EPHB1: variants seen among roughly 807,000 people sequenced by gnomAD.
EPHB1 encodes ephrin type-B receptor 1.
EPHB1 carries 30 observed loss-of-function variants against 94.4 expected under a neutral mutation model. That is an observed-to-expected ratio of 0.32 (90% CI 0.24 to 0.43). The LOEUF (loss-of-function observed/expected upper bound fraction) is 0.43, where lower values mean the gene tolerates loss of function less well. EPHB1 is among the 20% of genes least tolerant of loss of function. EPHB1 has a pLI of 1.00. For synonymous variants in EPHB1, 522 were observed against 489.1 expected (o/e 1.07, Z -0.89); for missense variants, 1,055 against 1,308.3 (o/e 0.81, Z 2.99).
intron 1 of EPHB1, among the ~76,000 whole-genome samples, chr3:134,825,114 A>G (rs555845904): frequency 2.6e-5 from 4 of 152,350 alleles, no homozygotes; most frequent in Non-Finnish European, 5.9e-5. Flanking sequence ...GCTATGTAAG[A>G]TAAAACCCAG....
chr3:135,027,200 C>G (rs914706444), intron 3 of EPHB1, among the ~76,000 whole-genome samples: 2 of 151,814 alleles, frequency 1.3e-5, no homozygotes, highest in African/African-American at 4.8e-5. Context: ...ATTGAATACC[C>G]TTTATTTCCT....
chr3:135,123,479 A>G (rs1244823991), intron 4 of EPHB1, among the ~76,000 whole-genome samples: 1 of 152,120 alleles, frequency 6.6e-6, no homozygotes, highest in Non-Finnish European at 1.5e-5. Context: ...AGGACCCAAA[A>G]TTGGTCATTT....
intron 1 of EPHB1, among the ~76,000 whole-genome samples, chr3:134,898,862 G>A (rs2038141333): frequency 6.6e-6 from 1 of 152,130 alleles, no homozygotes; most frequent in African/African-American, 2.4e-5. Flanking sequence ...AGTTTGTGCA[G>A]TGCTGGGTGT....
chr3:134,825,787 G>C (rs2036465755), intron 1 of EPHB1, among the ~76,000 whole-genome samples: 1 of 152,100 alleles, frequency 6.6e-6, no homozygotes. Context: ...TTGGCTCATG[G>C]CATCCTTTCA....
chr3:134,965,048 A>G (rs967118931), intron 3 of EPHB1, among the ~76,000 whole-genome samples: 1 of 152,228 alleles, frequency 6.6e-6, no homozygotes, highest in African/African-American at 2.4e-5. Flanking sequence ...ATTTTGATAA[A>G]AGATCATTAA....
chr3:134,882,086 T>A (rs1015806270), intron 1 of EPHB1, among the ~76,000 whole-genome samples: 4 of 151,904 alleles, frequency 2.6e-5, no homozygotes, highest in Non-Finnish European at 5.9e-5. Context: ...GGGGAAAAAA[T>A]TGATAATTAG....
At chr3:134,928,695 C>T (rs1044945256) in intron 2 of EPHB1, among the ~76,000 whole-genome samples, 25 of 152,134 alleles carry the variant, frequency 1.6e-4, no homozygotes, top group Admixed American at 5.2e-4. Context: ...AATCAGAAGG[C>T]GGCCGCATGT....
intron 10 of EPHB1, among the ~76,000 whole-genome samples, chr3:135,186,067 T>G (rs1235867505): frequency 3.3e-5 from 5 of 152,252 alleles, no homozygotes; most frequent in Non-Finnish European, 7.3e-5. Flanking sequence ...AAGTGCTTGC[T>G]TATGAAAATA....
At chr3:135,127,642 C>A (rs184106310) in intron 4 of EPHB1, among the ~76,000 whole-genome samples, 35 of 152,302 alleles carry the variant, frequency 2.3e-4, no homozygotes, top group Non-Finnish European at 3.2e-4. Context: ...CAGATTTTCA[C>A]TTTGATTACT....
At chr3:135,061,546 A>G (rs1168748644) in intron 3 of EPHB1, among the ~76,000 whole-genome samples, 1 of 152,006 alleles carries the variant, frequency 6.6e-6, no homozygotes, top group Non-Finnish European at 1.5e-5. Flanking sequence ...CTGTTAATTC[A>G]TTCCTTTTTT....
At chr3:134,919,466 G>A (rs553660415) in intron 1 of EPHB1, among the ~76,000 whole-genome samples, 21 of 152,338 alleles carry the variant, frequency 1.4e-4, no homozygotes, top group African/African-American at 5.1e-4. Flanking sequence ...GGCAACCTGA[G>A]GCCAATTCAG....
At chr3:135,169,668 G>C (rs1223115233) in intron 9 of EPHB1, among the ~76,000 whole-genome samples, 4 of 152,290 alleles carry the variant, frequency 2.6e-5, no homozygotes, top group South Asian at 4.1e-4. Flanking sequence ...GGCCAAAGAG[G>C]GGGTAGGGGT....
intron 3 of EPHB1, among the ~76,000 whole-genome samples, chr3:135,037,148 G>T (rs13089366): frequency 0.25 from 38,582 of 152,168 alleles, 6,586 homozygotes; most frequent in East Asian, 0.73. Context: ...TAACTGCTCA[G>T]GCTTGGAAGC....
chr3:134,962,882 T>C (rs2107722621), intron 3 of EPHB1, among the ~76,000 whole-genome samples: 1 of 151,996 alleles, frequency 6.6e-6, no homozygotes, highest in East Asian at 2.0e-4. Flanking sequence ...TCCCCTTCCC[T>C]GACCAGGTGT....
At chr3:135,029,279 G>T (rs1936321180) in intron 3 of EPHB1, among the ~76,000 whole-genome samples, 1 of 151,434 alleles carries the variant, frequency 6.6e-6, no homozygotes, top group South Asian at 2.1e-4. Context: ...ATGTTAGCTG[G>T]TCATTTTGCT....
At chr3:135,158,363 A>G (rs1480114376) in intron 6 of EPHB1, among the ~76,000 whole-genome samples, 1 of 152,218 alleles carries the variant, frequency 6.6e-6, no homozygotes, top group Non-Finnish European at 1.5e-5. Flanking sequence ...ATTTAGGCTT[A>G]CGGGCCATAT....
chr3:134,795,658 C>T lies in EPHB1; in HGVS notation c.27C>T (p.Leu9=), dbSNP rs771375272. 5.6e-6 allele frequency: 9 copies of T among 1,609,800 alleles called. No individual in the cohort carries two copies. The South Asian group carries it at 9.9e-5, about 18-fold the overall frequency. Reference sequence around the variant, plus strand: ...TGGCCCTGGATTATCTACTACTGCTCCTCCTGGCATCCGCAGTGGCTGCGA... The same window carrying T: ...TGGCCCTGGATTATCTACTACTGCTTCTCCTGGCATCCGCAGTGGCTGCGA... MALDYLLL[L]LLASAVAAME... The change falls in exon 1 of 16, where the codon CTC becomes CTT. Residue 9 remains leucine, a synonymous_variant. Coordinates refer to ENST00000398015, the MANE Select transcript of EPHB1 (RefSeq NM_004441.5).
At chr3:135,203,928 G>C (rs1454139078) in intron 12 of EPHB1, among the ~76,000 whole-genome samples, 2 of 151,724 alleles carry the variant, frequency 1.3e-5, no homozygotes, top group East Asian at 3.9e-4. Flanking sequence ...CCTCACAAAG[G>C]GTTGCTGCTT....
chr3:134,982,654 C>T (rs974662816), intron 3 of EPHB1, among the ~76,000 whole-genome samples: 4 of 152,100 alleles, frequency 2.6e-5, no homozygotes, highest in Non-Finnish European at 5.9e-5. Flanking sequence ...CCTCCTCACT[C>T]GGCTGCTAAA....
Sources: gnomAD v4.1 joint callset for allele counts (sites outside exome capture counted in the v4.1 genomes callset) on GRCh38, gnomAD v4.1.1 for gene constraint, MANE v1.5 for transcripts, NCBI Gene and HGNC (gene_info 2026-07-23, HGNC 2026-07-21) for gene names.